The following PPP2R2B variants were observed in gnomAD, a reference collection of about 807,000 sequenced individuals.
The protein encoded by PPP2R2B is protein phosphatase 2 regulatory subunit Bbeta, also known as serine/threonine-protein phosphatase 2A 55 kDa regulatory subunit B beta isoform.
In PPP2R2B, 5 loss-of-function variants were observed where a neutral mutation model predicts 46.0. That is an observed-to-expected ratio of 0.11 (90% CI 0.06 to 0.23). The LOEUF (loss-of-function observed/expected upper bound fraction) is 0.23, where lower values mean the gene tolerates loss of function less well. Ranked by LOEUF, PPP2R2B falls within the 10% of genes least tolerant of loss-of-function variation. PPP2R2B has a pLI of 1.00. For missense variants in PPP2R2B, 367 were observed against 575.0 expected (o/e 0.64, Z 3.70); for synonymous variants, 215 against 206.7 (o/e 1.04, Z -0.34).
chr5:146,922,007 C>T (rs1763623779), intron 1 of PPP2R2B, among the ~76,000 whole-genome samples: 1 of 152,154 alleles, frequency 6.6e-6, no homozygotes, highest in South Asian at 2.1e-4. Flanking sequence ...GCAAATGAGG[C>T]TCAGAGAGGC....
intron 2 of PPP2R2B, among the ~76,000 whole-genome samples, chr5:146,847,587 G>A (rs1048470185): frequency 1.3e-5 from 2 of 152,142 alleles, no homozygotes; most frequent in African/African-American, 4.8e-5. Context: ...TCTGTTGGTG[G>A]TGGATGTAGA....
intron 2 of PPP2R2B, among the ~76,000 whole-genome samples, chr5:146,735,908 T>A (rs1752506505): frequency 6.6e-6 from 1 of 152,186 alleles, no homozygotes; most frequent in Admixed American, 6.5e-5. Flanking sequence ...AAATATGTGG[T>A]GGGCATTATT....
At chr5:146,753,898 C>A (rs1375431879) in intron 2 of PPP2R2B, among the ~76,000 whole-genome samples, 1 of 152,004 alleles carries the variant, frequency 6.6e-6, no homozygotes, top group Non-Finnish European at 1.5e-5. Flanking sequence ...ACCTCCAAGT[C>A]CTTTGTAAAC....
chr5:147,078,604 G>A lies in PPP2R2B; in HGVS notation c.50+2455C>T, dbSNP rs552428735. 1.4e-4 allele frequency among the ~76,000 whole-genome samples: 22 copies of A among 151,924 alleles called. No individual in the cohort carries two copies. In the East Asian group the frequency reaches 3.5e-3, roughly 24 times the overall value. ...AGTTCGAGACCATCCTGGCTAACACGGTGAAACCCCATCTCTACTAAAAAT... is the reference window on the plus strand; with the variant it reads ...AGTTCGAGACCATCCTGGCTAACACAGTGAAACCCCATCTCTACTAAAAAT... On this transcript the variant is annotated intron_variant, in intron 2 of 10. Transcript: ENST00000394413.
At chr5:147,081,202 C>G (rs188365616) in intron 1 of PPP2R2B, 2 of 1,535,424 alleles carry the variant, frequency 1.3e-6, no homozygotes, top group South Asian at 2.4e-5. Context: ...AAGAGACCAA[C>G]AAGAAAAGAA....
chr5:147,075,723 A>G (rs887730719), intron 2 of PPP2R2B, among the ~76,000 whole-genome samples: 2 of 152,134 alleles, frequency 1.3e-5, no homozygotes, highest in African/African-American at 2.4e-5. Context: ...TTAATTCCTT[A>G]GTTTACTTCT....
At chr5:147,040,014 C>T (rs1297547078) in intron 1 of PPP2R2B, among the ~76,000 whole-genome samples, 1 of 152,138 alleles carries the variant, frequency 6.6e-6, no homozygotes, top group Non-Finnish European at 1.5e-5. Context: ...TTTTACGTAT[C>T]TTATTTCATT....
At position 146,838,428 on chromosome 5, in the gene PPP2R2B, G is replaced by A. The variant is rs553593544; in HGVS notation, c.70+39574C>T. On this transcript the variant is annotated intron_variant, in intron 2 of 9. Coordinates refer to ENST00000394411, the MANE Select transcript of PPP2R2B (RefSeq NM_181675.4). ...CTCTACTAAAAATACAAAATTAGCT[G>A]GGCATGATGGTGGGTGCCTGTAATC... Among the ~76,000 whole-genome samples, 10 of 152,018 alleles carry A rather than the reference G, an allele frequency of 6.6e-5. 1 individual carries two copies. The South Asian group carries it at 2.1e-3, about 32-fold the overall frequency.
Position 146,697,972 on chromosome 5 carries a change from C to T in PPP2R2B, c.334+7G>A. 6.2e-7 allele frequency: 1 copy of T among 1,604,624 alleles called. No individual in the cohort carries two copies. Among genetic ancestry groups the T allele is most frequent in the Non-Finnish European group, 8.5e-7 (1 of 1,176,310 alleles). ...CTCTGAAAATACCAAACAGGAATTCCACCTACCATTAGTAGACAGAAGAAA... is the reference window on the plus strand; with the variant it reads ...CTCTGAAAATACCAAACAGGAATTCTACCTACCATTAGTAGACAGAAGAAA... On this transcript the variant is annotated splice_region_variant and intron_variant, in intron 4 of 9. Transcript: ENST00000394411.
At chr5:146,621,604 A>G (rs1773705640) in intron 7 of PPP2R2B, among the ~76,000 whole-genome samples, 1 of 152,192 alleles carries the variant, frequency 6.6e-6, no homozygotes, top group African/African-American at 2.4e-5. Flanking sequence ...AGAATTAACC[A>G]GAGTGGAGCC....
At chr5:146,777,690 T>C (rs1755269332) in intron 2 of PPP2R2B, among the ~76,000 whole-genome samples, 1 of 152,210 alleles carries the variant, frequency 6.6e-6, no homozygotes. Context: ...TTGGTATTTG[T>C]AATGGCACCA....
chr5:146,977,888 C>T (rs1309585297), intron 1 of PPP2R2B, among the ~76,000 whole-genome samples: 1 of 152,146 alleles, frequency 6.6e-6, no homozygotes, highest in Non-Finnish European at 1.5e-5. Flanking sequence ...TGGGTATATA[C>T]CCAGGAATGG....
At chr5:146,652,450 G>A (rs1776035222) in intron 5 of PPP2R2B, among the ~76,000 whole-genome samples, 1 of 152,136 alleles carries the variant, frequency 6.6e-6, no homozygotes, top group African/African-American at 2.4e-5. Context: ...TCTTGTCAGG[G>A]GAGATAGACA....
rs1239448925 is a variant in PPP2R2B, at chr5:147,013,366, C to T, written c.79+42299G>A. Among the ~76,000 whole-genome samples the T allele has an allele frequency of 1.1e-3, 98 of 90,628 alleles. 12 individuals are homozygous for T. Among genetic ancestry groups the T allele is most frequent in the African/African-American group, 3.0e-3 (90 of 30,100 alleles). The allele number at this position is 90,628 out of a possible 152,430, so 59.5% of individuals were successfully genotyped here. A position where few individuals can be genotyped will look rare whatever the true frequency, so the allele number is the denominator to read the frequency against. On this transcript the variant is annotated intron_variant, in intron 1 of 8. Transcript: ENST00000336640. Reference sequence around the variant, plus strand: ...ATCAAGCTACCAATGCCTTTCTTCACAGAATTGGAAAAAACTACTTTAAAG... The same window carrying T: ...ATCAAGCTACCAATGCCTTTCTTCATAGAATTGGAAAAAACTACTTTAAAG...
intron 6 of PPP2R2B, among the ~76,000 whole-genome samples, chr5:146,648,003 A>C (rs1775698711): frequency 6.6e-6 from 1 of 152,214 alleles, no homozygotes; most frequent in African/African-American, 2.4e-5. Context: ...GCCTTCCCTG[A>C]AAGCCCTTGG....
intron 2 of PPP2R2B, among the ~76,000 whole-genome samples, chr5:146,776,454 A>G (rs550323227): frequency 6.6e-6 from 1 of 152,214 alleles, no homozygotes; most frequent in Non-Finnish European, 1.5e-5. Flanking sequence ...TCCACATTCA[A>G]AAGAATGAAG....
At chr5:146,706,729 G>T in intron 2 of PPP2R2B, 1 of 818,814 alleles carries the variant, frequency 1.2e-6, no homozygotes. Context: ...GTAAGACGCA[G>T]GTCTTCCCAG....
intron 1 of PPP2R2B, among the ~76,000 whole-genome samples, chr5:146,910,720 G>C (rs1763147876): frequency 6.6e-6 from 1 of 152,098 alleles, no homozygotes; most frequent in South Asian, 2.1e-4. Flanking sequence ...TGTACAATTT[G>C]ATCATGTTAC....
chr5:146,819,989 A>G (rs1758158655), intron 2 of PPP2R2B, among the ~76,000 whole-genome samples: 1 of 152,214 alleles, frequency 6.6e-6, no homozygotes, highest in Admixed American at 6.5e-5. Context: ...TAGGCACACA[A>G]TCTCACTCAT....
Sources: gnomAD v4.1 joint callset for allele counts (sites outside exome capture counted in the v4.1 genomes callset) on GRCh38, gnomAD v4.1.1 for gene constraint, MANE v1.5 for transcripts, NCBI Gene and HGNC (gene_info 2026-07-23, HGNC 2026-07-21) for gene names.